CCSER1: variants seen among roughly 807,000 people sequenced by gnomAD.
The protein encoded by CCSER1 is coiled-coil serine rich protein 1.
A neutral mutation model predicts 82.0 loss-of-function variants in CCSER1; 41 were observed. That is an observed-to-expected ratio of 0.50 (90% CI 0.39 to 0.65). The LOEUF (loss-of-function observed/expected upper bound fraction) is 0.65. Among genes scored for constraint, CCSER1 ranks in the 30% least tolerant of loss-of-function variants. The pLI, the probability that CCSER1 is intolerant of heterozygous loss-of-function variation, is 0.00. For synonymous variants in CCSER1, 414 were observed against 383.9 expected (o/e 1.08, Z -0.92); for missense variants, 1,119 against 1,064.2 (o/e 1.05, Z -0.72).
In CCSER1 at chr4:90,369,956, T is replaced by C. The variant is rs576869294; in HGVS notation, c.1510-30080T>C. On this transcript the variant is annotated intron_variant, in intron 3 of 10. Transcript: ENST00000509176. ...TCAAAGAATATAATAGTATTGTCTT[T>C]TATGTCGTTAATTTTTGTTTTATTT... Among the ~76,000 whole-genome samples the C allele has an allele frequency of 2.6e-5, 4 of 152,238 alleles. No homozygotes were observed. The South Asian group carries it at 6.2e-4, about 24-fold the overall frequency.
At chr4:90,497,717 T>A (rs933108721) in intron 5 of CCSER1, among the ~76,000 whole-genome samples, 1 of 152,222 alleles carries the variant, frequency 6.6e-6, no homozygotes, top group Non-Finnish European at 1.5e-5. Context: ...TTCACTAACG[T>A]TGCATAACAA....
chr4:90,874,864 G>A (rs1766994236), intron 8 of CCSER1, among the ~76,000 whole-genome samples: 1 of 152,060 alleles, frequency 6.6e-6, no homozygotes, highest in African/African-American at 2.4e-5. Context: ...TGGCCAACAT[G>A]GTGAAACCCC....
intron 10 of CCSER1, among the ~76,000 whole-genome samples, chr4:91,155,872 T>A (rs1730766425): frequency 6.6e-6 from 1 of 151,876 alleles, no homozygotes; most frequent in Non-Finnish European, 1.5e-5. Flanking sequence ...AAGACCATAT[T>A]TGGTTAGAAT....
chr4:91,494,533 G>A (rs1278094922), intron 10 of CCSER1, among the ~76,000 whole-genome samples: 2 of 151,646 alleles, frequency 1.3e-5, no homozygotes, highest in African/African-American at 2.4e-5. Context: ...TACAAAAAGA[G>A]TACTAAGAAA....
intron 6 of CCSER1, among the ~76,000 whole-genome samples, chr4:90,689,724 A>G (rs2149222312): frequency 6.6e-6 from 1 of 152,244 alleles, no homozygotes; most frequent in South Asian, 2.1e-4. Flanking sequence ...AAAACAGGAA[A>G]TGAACGACAA....
At chr4:90,882,887 G>A (rs1342241830) in intron 8 of CCSER1, among the ~76,000 whole-genome samples, 3 of 151,858 alleles carry the variant, frequency 2.0e-5, no homozygotes, top group Admixed American at 6.6e-5. Flanking sequence ...GAAATAGTAG[G>A]CAGTATTTAT....
intron 10 of CCSER1, among the ~76,000 whole-genome samples, chr4:91,310,187 T>C (rs1745370206): frequency 6.6e-6 from 1 of 151,904 alleles, no homozygotes; most frequent in Non-Finnish European, 1.5e-5. Flanking sequence ...GTGTTCTGCA[T>C]TCCATGATTG....
chr4:91,330,446 T>C (rs1232352057), intron 10 of CCSER1, among the ~76,000 whole-genome samples: 1 of 152,072 alleles, frequency 6.6e-6, no homozygotes, highest in Non-Finnish European at 1.5e-5. Flanking sequence ...TCTTAGGAAA[T>C]TTTCTATTTG....
chr4:91,058,318 C>A (rs1476939062), intron 9 of CCSER1, among the ~76,000 whole-genome samples: 1 of 151,756 alleles, frequency 6.6e-6, no homozygotes, highest in Non-Finnish European at 1.5e-5. Context: ...CTTTAAAAAA[C>A]AACAAGATAA....
intron 10 of CCSER1, among the ~76,000 whole-genome samples, chr4:91,533,018 A>G (rs1016737315): frequency 4.6e-5 from 7 of 152,182 alleles, no homozygotes; most frequent in Non-Finnish European, 7.3e-5. Context: ...CATTCACTGA[A>G]GAAGCATTGT....
At chr4:90,175,619 T>A (rs572382089) in intron 1 of CCSER1, among the ~76,000 whole-genome samples, 100 of 152,124 alleles carry the variant, frequency 6.6e-4, no homozygotes, top group Non-Finnish European at 1.2e-3. Context: ...AGAATGCAAA[T>A]ATTAAAAAAT....
At chr4:90,926,168 C>T (rs1049954898) in intron 9 of CCSER1, among the ~76,000 whole-genome samples, 21 of 151,920 alleles carry the variant, frequency 1.4e-4, no homozygotes, top group African/African-American at 4.8e-4. Flanking sequence ...TGTTCTGTTT[C>T]ACCCTCAGGA....
intron 10 of CCSER1, among the ~76,000 whole-genome samples, chr4:91,579,123 AT>A (rs1430062644): frequency 3.3e-5 from 5 of 151,060 alleles, no homozygotes; most frequent in African/African-American, 1.2e-4. Context: ...TTATTATATT[AT>A]TATTATTATT....
intron 5 of CCSER1, among the ~76,000 whole-genome samples, chr4:90,529,680 G>T (rs1481016461): frequency 6.6e-6 from 1 of 151,778 alleles, no homozygotes; most frequent in Non-Finnish European, 1.5e-5. Context: ...GCTTTTTTTG[G>T]CCATTAGCTG....
intron 1 of CCSER1, among the ~76,000 whole-genome samples, chr4:90,294,332 G>A (rs141829931): frequency 0.014 from 2,172 of 152,010 alleles, 35 homozygotes; most frequent in African/African-American, 0.043. Context: ...GCAATATAGC[G>A]AGACCCCGTT....
intron 6 of CCSER1, among the ~76,000 whole-genome samples, chr4:90,661,784 A>T (rs547052948): frequency 3.0e-4 from 46 of 152,268 alleles, no homozygotes; most frequent in African/African-American, 9.4e-4. Flanking sequence ...CTTTAAAAAA[A>T]CCCAGTGTTT....
intron 10 of CCSER1, among the ~76,000 whole-genome samples, chr4:91,478,007 G>C (rs142195906): frequency 2.1e-3 from 313 of 151,880 alleles, no homozygotes; most frequent in Non-Finnish European, 3.5e-3. Context: ...TTGACCACTA[G>C]ACAATAATCT....
chr4:90,481,503 G>A (rs1429763062), intron 5 of CCSER1, among the ~76,000 whole-genome samples: 2 of 152,094 alleles, frequency 1.3e-5, no homozygotes, highest in Non-Finnish European at 2.9e-5. Flanking sequence ...TATGGCTGTG[G>A]GTTTGTCATA....
At position 91,535,616 on chromosome 4, in the gene CCSER1, A is replaced by G. The variant is rs183711846; in HGVS notation, c.2218-62956A>G. On this transcript the variant is annotated intron_variant, in intron 10 of 10. Coordinates refer to ENST00000509176, the MANE Select transcript of CCSER1 (RefSeq NM_001145065.2). Reference sequence around the variant, plus strand: ...TGAAACGATTTCTGTTTATTCCTATATATTTATCAGTTTTAAAATCAGTAA... The same window carrying G: ...TGAAACGATTTCTGTTTATTCCTATGTATTTATCAGTTTTAAAATCAGTAA... Among the ~76,000 whole-genome samples the G allele has an allele frequency of 1.5e-3, 230 of 152,164 alleles. 2 individuals are homozygous for G. The highest frequency in any genetic ancestry group is 5.2e-3 in the African/African-American group (216 of 41,556).
Sources: gnomAD v4.1 joint callset for allele counts (sites outside exome capture counted in the v4.1 genomes callset) on GRCh38, gnomAD v4.1.1 for gene constraint, MANE v1.5 for transcripts, NCBI Gene and HGNC (gene_info 2026-07-23, HGNC 2026-07-21) for gene names.